The following GRM5 variants were observed in gnomAD, a reference collection of about 807,000 sequenced individuals.
GRM5 encodes glutamate metabotropic receptor 5, also known as metabotropic glutamate receptor 5.
GRM5 carries 19 observed loss-of-function variants against 83.1 expected under a neutral mutation model. That is an observed-to-expected ratio of 0.23 (90% CI 0.16 to 0.34). The LOEUF (loss-of-function observed/expected upper bound fraction) is 0.34. Among genes scored for constraint, GRM5 ranks in the 10% least tolerant of loss-of-function variants. The probability of loss-of-function intolerance (pLI) is 1.00; values close to 1 mark genes in which losing one functional copy is unlikely to be tolerated. For missense variants in GRM5, 1,160 were observed against 1,588.3 expected (o/e 0.73, Z 4.58); for synonymous variants, 675 against 633.6 (o/e 1.07, Z -0.98).
chr11:88,943,285 C>T (rs1938171805), intron 2 of GRM5, among the ~76,000 whole-genome samples: 1 of 152,032 alleles, frequency 6.6e-6, no homozygotes, highest in Non-Finnish European at 1.5e-5. Context: ...TATTCCAGAA[C>T]ATTTCTCCAG....
chr11:88,978,603 G>A (rs899141356), intron 2 of GRM5, among the ~76,000 whole-genome samples: 5 of 150,756 alleles, frequency 3.3e-5, no homozygotes, highest in African/African-American at 1.2e-4. Flanking sequence ...GGCTTACAAG[G>A]ATAAGGGTTG....
At chr11:88,983,988 GAA>G (rs1212617988) in intron 2 of GRM5, among the ~76,000 whole-genome samples, 1 of 152,012 alleles carries the variant, frequency 6.6e-6, no homozygotes, top group East Asian at 1.9e-4. Context: ...GGAATATAAA[GAA>G]AATAATTGTG....
chr11:88,763,407 C>A (rs1466299028), intron 3 of GRM5, among the ~76,000 whole-genome samples: 1 of 151,736 alleles, frequency 6.6e-6, no homozygotes, highest in African/African-American at 2.4e-5. Flanking sequence ...GTTTACAATG[C>A]CACTTCTTGT....
chr11:88,664,566 C>A (rs914486091), intron 3 of GRM5, among the ~76,000 whole-genome samples: 3 of 152,064 alleles, frequency 2.0e-5, no homozygotes, highest in Non-Finnish European at 4.4e-5. Context: ...CCTGCCTCAG[C>A]CTCCTCAGTA....
chr11:88,839,274 A>G (rs555756596), intron 3 of GRM5, among the ~76,000 whole-genome samples: 2 of 152,348 alleles, frequency 1.3e-5, no homozygotes, highest in African/African-American at 4.8e-5. Context: ...TCTGAAGATC[A>G]TAAAGCCCAA....
rs187555751 is a variant in GRM5 at position 88,791,882 on chromosome 11, T to A, written c.911+58024A>T. Among the ~76,000 whole-genome samples, 229 of 152,280 alleles carry A rather than the reference T, an allele frequency of 1.5e-3. 2 individuals are homozygous for A. Among genetic ancestry groups the A allele is most frequent in the African/African-American group, 5.3e-3 (219 of 41,576 alleles). On this transcript the variant is annotated intron_variant, in intron 3 of 9. Transcript: ENST00000305447. ...TAAATTCATTTGGTTTTCACTGGGC[T>A]TTTATGTCATTAATTTCTTATTTAA...
intron 3 of GRM5, among the ~76,000 whole-genome samples, chr11:88,667,159 A>G (rs1016376886): frequency 6.6e-6 from 1 of 152,332 alleles, no homozygotes; most frequent in South Asian, 2.1e-4. Flanking sequence ...AAACACAACC[A>G]AAAATGAAGT....
chr11:88,797,861 C>CCT (rs778246183), intron 3 of GRM5, among the ~76,000 whole-genome samples: 3 of 150,512 alleles, frequency 2.0e-5, no homozygotes, highest in East Asian at 1.9e-4. Flanking sequence ...TTGATCTCTT[C>CCT]CTCTCTCTCT....
At chr11:88,824,513 G>T (rs1326749931) in intron 3 of GRM5, among the ~76,000 whole-genome samples, 1 of 152,182 alleles carries the variant, frequency 6.6e-6, no homozygotes. Context: ...ACAGGACAGT[G>T]GGGCGGGGCA....
chr11:88,712,973 CAAG>C, intron 3 of GRM5, among the ~76,000 whole-genome samples: 1 of 152,038 alleles, frequency 6.6e-6, no homozygotes, highest in South Asian at 2.1e-4. Flanking sequence ...TCCGTTTGGT[CAAG>C]GCCTGGGGCT....
At chr11:88,804,458 T>A (rs1943461228) in intron 3 of GRM5, among the ~76,000 whole-genome samples, 2 of 151,144 alleles carry the variant, frequency 1.3e-5, no homozygotes, top group South Asian at 4.2e-4. Context: ...ACACCGCATA[T>A]TCTCACTCAT....
chr11:88,787,046 A>G (rs1200923539), intron 3 of GRM5, among the ~76,000 whole-genome samples: 3 of 152,162 alleles, frequency 2.0e-5, no homozygotes, highest in Non-Finnish European at 4.4e-5. Context: ...AAATAAGTAA[A>G]TAAAATGTAC....
At chr11:88,966,922 C>T (rs1265131461) in intron 2 of GRM5, among the ~76,000 whole-genome samples, 1 of 152,008 alleles carries the variant, frequency 6.6e-6, no homozygotes, top group Non-Finnish European at 1.5e-5. Flanking sequence ...GTGTGTATGG[C>T]CCTCCGGAAT....
chr11:88,816,018 C>T (rs1185685955), intron 3 of GRM5, among the ~76,000 whole-genome samples: 2 of 146,082 alleles, frequency 1.4e-5, no homozygotes, highest in African/African-American at 5.3e-5. Flanking sequence ...TCGAGACCAT[C>T]CTGGCTAACA....
intron 2 of GRM5, among the ~76,000 whole-genome samples, chr11:88,960,736 G>A (rs528493989): frequency 6.6e-6 from 1 of 152,266 alleles, no homozygotes; most frequent in South Asian, 2.1e-4. Context: ...ACCTAGTAGA[G>A]TTAGTTGCAG....
At chr11:88,553,233 G>A (rs1942551390) in intron 8 of GRM5, among the ~76,000 whole-genome samples, 2 of 152,150 alleles carry the variant, frequency 1.3e-5, no homozygotes, top group Non-Finnish European at 2.9e-5. Context: ...ATTTGGGCTA[G>A]AACATTTGGT....
intron 3 of GRM5, among the ~76,000 whole-genome samples, chr11:88,746,196 G>T (rs1942137061): frequency 6.6e-6 from 1 of 152,066 alleles, no homozygotes; most frequent in South Asian, 2.1e-4. Context: ...CTCAGGTGTT[G>T]TCTCTCTAGG....
chr11:88,806,675 G>T (rs550509608), intron 3 of GRM5, among the ~76,000 whole-genome samples: 4 of 152,192 alleles, frequency 2.6e-5, no homozygotes, highest in Admixed American at 2.6e-4. Context: ...ACCTAATTAT[G>T]GAGTAGATCA....
chr11:88,511,638 T>C (rs1298840487), intron 9 of GRM5: 2 of 152,220 alleles, frequency 1.3e-5, no homozygotes, highest in East Asian at 1.9e-4. Context: ...TGTGCATCCA[T>C]AGTAGCAGAG....
Sources: allele counts gnomAD v4.1 joint callset (sites outside exome capture counted in the v4.1 genomes callset), GRCh38; gene constraint gnomAD v4.1.1; transcripts MANE v1.5; gene names NCBI Gene and HGNC (gene_info 2026-07-23, HGNC 2026-07-21).